The following TRPM3 variants were observed in gnomAD, a reference collection of about 807,000 sequenced individuals.
The protein encoded by TRPM3 is long transient receptor potential channel 3.
Under a neutral mutation model 181.2 loss-of-function variants are expected in TRPM3, and 77 were observed. The observed-to-expected ratio is 0.42, with a 90% CI of 0.35 to 0.51. TRPM3 has a LOEUF of 0.51. Among genes scored for constraint, TRPM3 ranks in the 20% least tolerant of loss-of-function variants. TRPM3 has a pLI of 0.01. For missense variants in TRPM3, 1,759 were observed against 2,196.7 expected, an observed-to-expected ratio of 0.80 and a Z score of 3.98; for synonymous variants, 745 against 796.4, an observed-to-expected ratio of 0.94 and a Z score of 1.09.
intron 6 of TRPM3, among the ~76,000 whole-genome samples, chr9:70,818,570 G>A (rs1449317834): frequency 1.3e-5 from 2 of 152,294 alleles, no homozygotes; most frequent in Non-Finnish European, 2.9e-5. Context: ...CATTTCTGGA[G>A]TCCCTTAGCC....
At chr9:70,808,116 G>A (rs2091095444) in intron 6 of TRPM3, among the ~76,000 whole-genome samples, 1 of 152,148 alleles carries the variant, frequency 6.6e-6, no homozygotes, top group South Asian at 2.1e-4. Flanking sequence ...AAGGTAGTTA[G>A]CAATGAAATA....
At chr9:70,981,713 G>A (rs539241171) in intron 1 of TRPM3, among the ~76,000 whole-genome samples, 5 of 152,134 alleles carry the variant, frequency 3.3e-5, no homozygotes, top group Non-Finnish European at 7.4e-5. Context: ...CTGGCTCGTT[G>A]TAAGTACTCA....
chr9:70,606,349 T>C (rs1228947436), intron 19 of TRPM3, among the ~76,000 whole-genome samples: 1 of 152,216 alleles, frequency 6.6e-6, no homozygotes, highest in Non-Finnish European at 1.5e-5. Flanking sequence ...CTTCTTTTTT[T>C]TTAAATTGCC....
intron 1 of TRPM3, chr9:70,917,423 G>A: frequency 2.4e-6 from 2 of 823,774 alleles, no homozygotes; most frequent in Admixed American, 3.6e-5. Flanking sequence ...CACCTGCTCA[G>A]AAATGAACTC....
At chr9:70,756,084 T>C (rs2077033351) in intron 8 of TRPM3, among the ~76,000 whole-genome samples, 1 of 151,546 alleles carries the variant, frequency 6.6e-6, no homozygotes, top group East Asian at 1.9e-4. Context: ...AAGACACACA[T>C]AGGCTCAAAA....
intron 8 of TRPM3, among the ~76,000 whole-genome samples, chr9:70,752,243 C>T (rs148356153): frequency 1.3e-5 from 2 of 152,172 alleles, no homozygotes; most frequent in East Asian, 1.9e-4. Context: ...AAGGACTAGA[C>T]AAGTAGGGAA....
chr9:70,810,585 A>T (rs1045213154), intron 6 of TRPM3, among the ~76,000 whole-genome samples: 10 of 152,060 alleles, frequency 6.6e-5, no homozygotes, highest in Admixed American at 6.5e-4. Context: ...TCAATGCTCA[A>T]CCTATATTTG....
In TRPM3 at chr9:70,598,626, T is replaced by C; in HGVS notation, c.2841A>G (p.Val947=). 6.2e-7 allele frequency: 1 copy of C among 1,614,154 alleles called. No homozygotes were observed. Among genetic ancestry groups the C allele is most frequent in the South Asian group, 1.1e-5 (1 of 91,072 alleles). ...EPGKLLQKVK[V]WLQEYWNVTD... ...TGACATTCCAGTACTCCTGCAGCCA[T>C]ACCTTCACTTTCTGTAGCAACTTCC... Residue 947 remains valine, a synonymous_variant, in exon 21 of 26, where the codon GTA becomes GTG. Transcript: ENST00000677713.
At chr9:71,127,533 T>C (rs1343193265) in intron 1 of TRPM3, among the ~76,000 whole-genome samples, 1 of 152,174 alleles carries the variant, frequency 6.6e-6, no homozygotes, top group Non-Finnish European at 1.5e-5. Flanking sequence ...CTATGTGGCC[T>C]GGGGGCAGTG....
At chr9:70,814,240 A>G (rs2092456019) in intron 6 of TRPM3, among the ~76,000 whole-genome samples, 1 of 152,192 alleles carries the variant, frequency 6.6e-6, no homozygotes, top group South Asian at 2.1e-4. Context: ...CATGGTGAGC[A>G]CACAGACAAT....
At position 70,864,457 on chromosome 9, in the gene TRPM3, T is replaced by C; in HGVS notation, c.232A>G (p.Ile78Val). The change falls in exon 2 of 26, where the codon ATA (isoleucine) becomes GTA (valine). Residue 78 changes from isoleucine (I) to valine (V), a missense_variant. This residue lies in a region of TRPM3 where 737 missense variants were observed against 957.4 expected (regional missense o/e 0.77). Transcript: ENST00000677713. ...CTATGGGGGTCTTTGGTGCTGGGTA[T>C]GATGTGGACACATTCTCTTTTATAA... ...AFYKRECVHI[I>V]PSTKDPHRCC... 2.0e-6 allele frequency: 3 copies of C among 1,486,832 alleles called. No individual in the cohort carries two copies. The highest frequency in any genetic ancestry group is 8.9e-7 in the Non-Finnish European group (1 of 1,125,246). 92.1% of individuals were successfully genotyped at this position (1,486,832 alleles called of 1,614,324 possible). A position where few individuals can be genotyped will look rare whatever the true frequency, so the allele number is the denominator to read the frequency against.
intron 1 of TRPM3, among the ~76,000 whole-genome samples, chr9:71,244,238 A>T (rs1011863765): frequency 2.6e-5 from 4 of 152,146 alleles, no homozygotes; most frequent in African/African-American, 7.2e-5. Context: ...CTTATAAGAA[A>T]AGAGGTGGTC....
Position 70,620,163 on chromosome 9 carries a change from G to A in TRPM3, c.2042C>T (p.Ala681Val), listed in dbSNP as rs1589402904. 2 of 1,614,204 alleles carry A rather than the reference G, an allele frequency of 1.2e-6. No individual in the cohort carries two copies. The highest frequency in any genetic ancestry group is 1.7e-6 in the Non-Finnish European group (2 of 1,180,036). Residue 681 changes from alanine to valine, a missense_variant, in exon 16 of 26, where the codon GCC becomes GTC. By Grantham distance (64) the Ala-to-Val change is moderately conservative. Transcript: ENST00000677713. ...GEEAMAKALVACKLCKAMAHE... is the reference protein window; with the variant it reads ...GEEAMAKALVVCKLCKAMAHE... The stretch of plus-strand genomic sequence containing the variant: ...AGCCATGGCTTTGCAGAGCTTGCAG[G>A]CCACCAGGGCCTTGGCCATGGCCTC...
intron 4 of TRPM3, among the ~76,000 whole-genome samples, chr9:70,844,494 C>T (rs1489977734): frequency 6.6e-6 from 1 of 152,032 alleles, no homozygotes; most frequent in African/African-American, 2.4e-5. Flanking sequence ...ACAAAACTCC[C>T]CCAAAAAAGG....
intron 1 of TRPM3, among the ~76,000 whole-genome samples, chr9:71,174,262 C>T (rs373120581): frequency 1.6e-4 from 24 of 152,172 alleles, no homozygotes; most frequent in East Asian, 5.8e-4. Flanking sequence ...GGAGTTATGG[C>T]GGGGTACAGT....
At chr9:70,837,272 G>A (rs2094385885) in intron 5 of TRPM3, among the ~76,000 whole-genome samples, 1 of 152,152 alleles carries the variant, frequency 6.6e-6, no homozygotes, top group Non-Finnish European at 1.5e-5. Flanking sequence ...GCAATCAATT[G>A]TGTTATTGAA....
intron 6 of TRPM3, among the ~76,000 whole-genome samples, chr9:70,791,277 A>G (rs2085331021): frequency 6.6e-6 from 1 of 152,224 alleles, no homozygotes; most frequent in South Asian, 2.1e-4. Context: ...ATTGATGCTC[A>G]GGAAAGCATT....
intron 25 of TRPM3, among the ~76,000 whole-genome samples, chr9:70,548,523 CTG>C (rs1407900361): frequency 6.6e-6 from 1 of 152,228 alleles, no homozygotes; most frequent in African/African-American, 2.4e-5. Flanking sequence ...TTCATAAAAA[CTG>C]GAGGTGACTG....
At position 71,070,295 on chromosome 9, in the gene TRPM3, C is replaced by T. The variant is rs145868004; in HGVS notation, c.177+50883G>A. On this transcript the variant is annotated intron_variant, in intron 1 of 25. Transcript: ENST00000677713. Reference sequence around the variant, plus strand: ...CTGCATCGATTGTTATGTACTTTGTCTACTCCATCAGGTCATGAATGATGC... The same window carrying T: ...CTGCATCGATTGTTATGTACTTTGTTTACTCCATCAGGTCATGAATGATGC... Among the ~76,000 whole-genome samples, 496 of 152,296 alleles carry T rather than the reference C, an allele frequency of 3.3e-3. 2 individuals carry two copies. The highest frequency in any genetic ancestry group is 0.011 in the African/African-American group (471 of 41,570).
Sources: allele counts gnomAD v4.1 joint callset (sites outside exome capture counted in the v4.1 genomes callset), GRCh38; gene constraint gnomAD v4.1.1; regional missense constraint gnomAD v4.1.1; transcripts MANE v1.5; gene names NCBI Gene and HGNC (gene_info 2026-07-23, HGNC 2026-07-21).